NXPH1: variants seen among roughly 807,000 people sequenced by gnomAD.
NXPH1 encodes neurexophilin-1.
A neutral mutation model predicts 23.7 loss-of-function variants in NXPH1; 5 were observed. The observed-to-expected ratio is 0.21, with a 90% CI of 0.11 to 0.44. The LOEUF (loss-of-function observed/expected upper bound fraction) is 0.44, where lower values mean the gene tolerates loss of function less well. NXPH1 is among the 20% of genes least tolerant of loss of function. The pLI, the probability that NXPH1 is intolerant of heterozygous loss-of-function variation, is 0.99. For missense variants in NXPH1, 324 were observed against 321.6 expected, an observed-to-expected ratio of 1.01 and a Z score of -0.06; for synonymous variants, 144 against 122.2, an observed-to-expected ratio of 1.18 and a Z score of -1.18.
chr7:8,496,309 G>A (rs1231284477), intron 2 of NXPH1, among the ~76,000 whole-genome samples: 2 of 151,998 alleles, frequency 1.3e-5, no homozygotes, highest in African/African-American at 4.8e-5. Flanking sequence ...CAGAAGCCAG[G>A]CATGTTCCTC....
intron 2 of NXPH1, among the ~76,000 whole-genome samples, chr7:8,505,117 A>G (rs1817500698): frequency 2.0e-5 from 3 of 151,880 alleles, no homozygotes; most frequent in Admixed American, 2.0e-4. Context: ...TTTTGGTTAA[A>G]TGTCTGATTT....
intron 2 of NXPH1, among the ~76,000 whole-genome samples, chr7:8,574,380 C>A (rs1021400225): frequency 4.6e-5 from 7 of 152,110 alleles, no homozygotes; most frequent in Non-Finnish European, 7.3e-5. Context: ...TCCCAAGTAG[C>A]TGGGACTCTG....
intron 2 of NXPH1, among the ~76,000 whole-genome samples, chr7:8,543,452 G>T (rs1256001460): frequency 2.0e-5 from 3 of 151,554 alleles, no homozygotes; most frequent in Admixed American, 2.0e-4. Flanking sequence ...GTATTCAGCA[G>T]GTTTTAAACT....
chr7:8,627,085 A>G (rs1432150437), intron 2 of NXPH1, among the ~76,000 whole-genome samples: 3 of 152,122 alleles, frequency 2.0e-5, no homozygotes, highest in Non-Finnish European at 4.4e-5. Flanking sequence ...GATCATTCCA[A>G]TACCCAGCCC....
At chr7:8,682,810 C>A (rs1170087482) in intron 2 of NXPH1, among the ~76,000 whole-genome samples, 1 of 152,164 alleles carries the variant, frequency 6.6e-6, no homozygotes, top group Non-Finnish European at 1.5e-5. Flanking sequence ...TAAAGGAATG[C>A]ACACATTATT....
At chr7:8,666,824 C>A (rs529172058) in intron 2 of NXPH1, among the ~76,000 whole-genome samples, 1 of 152,100 alleles carries the variant, frequency 6.6e-6, no homozygotes, top group South Asian at 2.1e-4. Flanking sequence ...TATGATTGCT[C>A]ATAATAGTCT....
intron 2 of NXPH1, among the ~76,000 whole-genome samples, chr7:8,494,650 A>T (rs960579709): frequency 7.9e-5 from 12 of 152,066 alleles, no homozygotes; most frequent in African/African-American, 2.9e-4. Flanking sequence ...AATGGAGTCA[A>T]TCATCTGAAT....
intron 2 of NXPH1, among the ~76,000 whole-genome samples, chr7:8,491,348 C>T (rs370256169): frequency 6.6e-6 from 1 of 151,870 alleles, no homozygotes; most frequent in African/African-American, 2.4e-5. Flanking sequence ...CAAAATTGGC[C>T]TTGAAAAAGG....
At chr7:8,469,029 T>C (rs1439943319) in intron 2 of NXPH1, among the ~76,000 whole-genome samples, 3 of 152,078 alleles carry the variant, frequency 2.0e-5, no homozygotes, top group Non-Finnish European at 4.4e-5. Context: ...GAAATTCTTA[T>C]TTTTAATTCA....
intron 2 of NXPH1, among the ~76,000 whole-genome samples, chr7:8,585,413 C>A (rs1024212086): frequency 6.7e-6 from 1 of 150,244 alleles, no homozygotes; most frequent in African/African-American, 2.5e-5. Flanking sequence ...TTTACTATAA[C>A]GTAATTCTTA....
intron 2 of NXPH1, among the ~76,000 whole-genome samples, chr7:8,574,018 G>A (rs1818703543): frequency 6.6e-6 from 1 of 152,056 alleles, no homozygotes; most frequent in Non-Finnish European, 1.5e-5. Flanking sequence ...GATTTATTGA[G>A]GATTTAAGAT....
chr7:8,483,685 A>G (rs1204011696), intron 2 of NXPH1, among the ~76,000 whole-genome samples: 1 of 152,170 alleles, frequency 6.6e-6, no homozygotes, highest in East Asian at 1.9e-4. Flanking sequence ...ATCATGTCAG[A>G]GTGGGGTGTC....
chr7:8,495,839 G>C (rs1584193201), intron 2 of NXPH1, among the ~76,000 whole-genome samples: 2 of 152,014 alleles, frequency 1.3e-5, no homozygotes, highest in African/African-American at 4.8e-5. Flanking sequence ...ATGGCAGCAG[G>C]ATAGACATGG....
At chr7:8,503,923 C>G (rs895268356) in intron 2 of NXPH1, among the ~76,000 whole-genome samples, 1 of 152,012 alleles carries the variant, frequency 6.6e-6, no homozygotes, top group Admixed American at 6.6e-5. Flanking sequence ...TCCCTCAGTT[C>G]AGCCTGCAAA....
intron 2 of NXPH1, among the ~76,000 whole-genome samples, chr7:8,622,876 A>C (rs1202552395): frequency 6.6e-6 from 1 of 152,198 alleles, no homozygotes; most frequent in African/African-American, 2.4e-5. Flanking sequence ...TATCATAGGA[A>C]TATTAAGGAC....
At chr7:8,714,740 T>C (rs1381793538) in intron 2 of NXPH1, among the ~76,000 whole-genome samples, 1 of 151,866 alleles carries the variant, frequency 6.6e-6, no homozygotes, top group African/African-American at 2.4e-5. Flanking sequence ...TGTCATCGGG[T>C]AGCAAGGGCC....
At chr7:8,471,324 G>A (rs1020942896) in intron 2 of NXPH1, among the ~76,000 whole-genome samples, 1 of 152,102 alleles carries the variant, frequency 6.6e-6, no homozygotes, top group African/African-American at 2.4e-5. Context: ...CTGAGGGGAA[G>A]GATTTGTGAA....
At chr7:8,578,575 C>A (rs1299304786) in intron 2 of NXPH1, among the ~76,000 whole-genome samples, 2 of 152,196 alleles carry the variant, frequency 1.3e-5, no homozygotes, top group Admixed American at 1.3e-4. Flanking sequence ...GAAAGCAGAG[C>A]AGATTTTATA....
At chr7:8,723,913 G>A (rs758945889) in intron 2 of NXPH1, among the ~76,000 whole-genome samples, 32 of 152,156 alleles carry the variant, frequency 2.1e-4, no homozygotes, top group Admixed American at 4.6e-4. Context: ...GGGAAAAGTA[G>A]CCAACATGAA....
Sources: allele counts gnomAD v4.1 joint callset (sites outside exome capture counted in the v4.1 genomes callset), GRCh38; gene constraint gnomAD v4.1.1; transcripts MANE v1.5; gene names NCBI Gene and HGNC (gene_info 2026-07-23, HGNC 2026-07-21).